ZC3H12B: variants seen among roughly 807,000 people sequenced by gnomAD.
The protein encoded by ZC3H12B is probable ribonuclease ZC3H12B.
ZC3H12B carries 7 observed loss-of-function variants against 43.9 expected under a neutral mutation model. The observed-to-expected ratio is 0.16, with a 90% CI of 0.09 to 0.30. The LOEUF (loss-of-function observed/expected upper bound fraction) is 0.30, where lower values mean the gene tolerates loss of function less well. ZC3H12B is among the 10% of genes least tolerant of loss of function. The pLI, the probability that ZC3H12B is intolerant of heterozygous loss-of-function variation, is 1.00. For missense variants in ZC3H12B, 475 were observed against 670.2 expected (o/e 0.71, Z 3.22); for synonymous variants, 222 against 241.7 (o/e 0.92, Z 0.76).
At chrX:65,064,092 T>A in the ZC3H12B span, among the ~76,000 whole-genome samples, 5 of 112,040 alleles carry the variant, frequency 4.5e-5, no homozygotes, top group Non-Finnish European at 5.6e-5. Context: ...GTTAATCTTT[T>A]CAAAAAACCA....
the ZC3H12B span, among the ~76,000 whole-genome samples, chrX:65,339,457 G>A: frequency 2.3e-3 from 258 of 112,299 alleles, 2 homozygotes; most frequent in African/African-American, 7.8e-3. Flanking sequence ...GGCAAAGAGA[G>A]CTGCTTAGAG....
the ZC3H12B span, among the ~76,000 whole-genome samples, chrX:65,169,540 T>C: frequency 8.9e-6 from 1 of 112,021 alleles, no homozygotes; most frequent in East Asian, 2.8e-4. Flanking sequence ...TCTGTAGATG[T>C]CTATTAGATC....
At chrX:65,172,295 C>T in the ZC3H12B span, among the ~76,000 whole-genome samples, 101 of 111,719 alleles carry the variant, frequency 9.0e-4, no homozygotes, top group Non-Finnish European at 1.7e-3. Context: ...TTGTTTTTTC[C>T]TTGTAAATTT....
the ZC3H12B span, among the ~76,000 whole-genome samples, chrX:65,092,455 G>T: frequency 2.7e-5 from 3 of 111,633 alleles, no homozygotes; most frequent in East Asian, 8.5e-4. Context: ...CTAAAGATTG[G>T]TTAAATGGTT....
At chrX:65,126,381 A>G in the ZC3H12B span, among the ~76,000 whole-genome samples, 3 of 111,148 alleles carry the variant, frequency 2.7e-5, no homozygotes, top group Non-Finnish European at 5.7e-5. Context: ...GTTCTCTTTA[A>G]TAGGTTACCT....
intron 2 of ZC3H12B, among the ~76,000 whole-genome samples, chrX:65,382,586 T>C (rs1247341017): frequency 2.7e-5 from 3 of 111,433 alleles, no homozygotes; most frequent in East Asian, 5.6e-4. Context: ...CAGCATAGTA[T>C]TGGAAGTTCT....
the ZC3H12B span, among the ~76,000 whole-genome samples, chrX:65,292,626 G>T: frequency 9.7e-6 from 1 of 102,667 alleles, no homozygotes; most frequent in Non-Finnish European, 2.0e-5. Flanking sequence ...TAAAATAGAA[G>T]TTTTTTTTTT....
At chrX:65,155,350 C>T in the ZC3H12B span, among the ~76,000 whole-genome samples, 60 of 110,423 alleles carry the variant, frequency 5.4e-4, no homozygotes, top group Non-Finnish European at 1.1e-3. Context: ...AGTTTATCCC[C>T]GTGCTTTGAT....
intron 3 of ZC3H12B, among the ~76,000 whole-genome samples, chrX:65,477,175 G>A (rs901671698): frequency 1.8e-5 from 2 of 108,926 alleles, no homozygotes; most frequent in Non-Finnish European, 3.8e-5. Context: ...GATGATTAGG[G>A]GTAATGGCAC....
the ZC3H12B span, among the ~76,000 whole-genome samples, chrX:65,096,700 C>G: frequency 2.7e-5 from 3 of 111,515 alleles, no homozygotes; most frequent in Non-Finnish European, 5.7e-5. Flanking sequence ...ATAGAGTATC[C>G]AAGAATTTTG....
the ZC3H12B span, among the ~76,000 whole-genome samples, chrX:65,255,738 G>A: frequency 1.8e-5 from 2 of 112,163 alleles, no homozygotes; most frequent in Non-Finnish European, 3.8e-5. Context: ...AAGGCACAAA[G>A]TGGAAAGTTG....
chrX:65,120,153 C>G, the ZC3H12B span, among the ~76,000 whole-genome samples: 1 of 111,656 alleles, frequency 9.0e-6, no homozygotes, highest in Non-Finnish European at 1.9e-5. Flanking sequence ...TCCATGTGAA[C>G]TTTAAATTAG....
At chrX:65,149,465 T>A in the ZC3H12B span, among the ~76,000 whole-genome samples, 2 of 111,575 alleles carry the variant, frequency 1.8e-5, no homozygotes, top group Non-Finnish European at 3.8e-5. Context: ...AAAAGCACTT[T>A]TAAAAGTAAA....
At chrX:65,273,908 C>A in the ZC3H12B span, among the ~76,000 whole-genome samples, 1 of 112,283 alleles carries the variant, frequency 8.9e-6, no homozygotes, top group African/African-American at 3.2e-5. Flanking sequence ...ACTAGAGATG[C>A]CTTGTATTCA....
chrX:65,160,657 C>T, the ZC3H12B span, among the ~76,000 whole-genome samples: 2 of 111,387 alleles, frequency 1.8e-5, no homozygotes, highest in African/African-American at 6.5e-5. Flanking sequence ...CTATTTTCTT[C>T]TTTATTAGTC....
chrX:65,456,186 C>A (rs2067606231), intron 3 of ZC3H12B, among the ~76,000 whole-genome samples: 1 of 111,145 alleles, frequency 9.0e-6, no homozygotes, highest in South Asian at 3.8e-4. Context: ...GACTGGCAAA[C>A]TGGATAAAGA....
chrX:65,326,604 A>G, the ZC3H12B span, among the ~76,000 whole-genome samples: 1 of 109,447 alleles, frequency 9.1e-6, no homozygotes, highest in African/African-American at 3.4e-5. Context: ...GATTGTCAGC[A>G]TGACCATAGT....
the ZC3H12B span, among the ~76,000 whole-genome samples, chrX:65,214,196 C>T: frequency 1.8e-5 from 2 of 110,673 alleles, no homozygotes; most frequent in African/African-American, 3.3e-5. Flanking sequence ...ATAAGGGTGG[C>T]GGTTGCTCAA....
chrX:65,380,121 T>G (rs1266112577), intron 2 of ZC3H12B, among the ~76,000 whole-genome samples: 1 of 111,011 alleles, frequency 9.0e-6, no homozygotes, highest in Non-Finnish European at 1.9e-5. Context: ...ACAAAGATAC[T>G]CCTTGAGAAG....
Sources: allele counts gnomAD v4.1 joint callset (sites outside exome capture counted in the v4.1 genomes callset), GRCh38; gene constraint gnomAD v4.1.1; transcripts MANE v1.5; gene names NCBI Gene and HGNC (gene_info 2026-07-23, HGNC 2026-07-21).